Variants in TRIM43B observed in about 807,000 individuals in gnomAD.
The protein encoded by TRIM43B is tripartite motif-containing protein 43B.
In TRIM43B, 15 loss-of-function variants were observed where a neutral mutation model predicts 27.0. That is an observed-to-expected ratio of 0.55 (90% CI 0.37 to 0.85). The LOEUF (loss-of-function observed/expected upper bound fraction) is 0.85, where lower values mean the gene tolerates loss of function less well. Among genes scored for constraint, TRIM43B ranks in the 40% least tolerant of loss-of-function variants. The pLI is 0.00. For missense variants in TRIM43B, 172 were observed against 289.8 expected (o/e 0.59, Z 2.95); for synonymous variants, 69 against 97.8 (o/e 0.71, Z 1.74).
At chr2:95,480,349 C>G (rs1431474302) in exon 4 of TRIM43B, 1 of 1,609,936 alleles carries the variant, frequency 6.2e-7, no homozygotes, top group South Asian at 1.1e-5. Context: ...TCCATTAGTT[C>G]CTGATACATT....
At chr2:95,484,332 CG>C (rs1346052949) in intron 1 of TRIM43B, among the ~76,000 whole-genome samples, 1 of 151,804 alleles carries the variant, frequency 6.6e-6, no homozygotes, top group African/African-American at 2.4e-5. Context: ...AGAGCGCCGC[CG>C]CACTCCAGCC....
chr2:95,480,169 A>G, intron 4 of TRIM43B, 136 bp downstream of exon 4: 1 of 1,264,898 alleles, frequency 7.9e-7, no homozygotes, highest in Non-Finnish European at 1.1e-6. Context: ...GTTATAGTTT[A>G]TCTCTATAAC....
chr2:95,481,622 C>T, exon 3 of TRIM43B: 1 of 1,612,602 alleles, frequency 6.2e-7, no homozygotes, highest in African/African-American at 1.3e-5. Context: ...TTCTTCTCTC[C>T]TCATATAGAT....
intron 1 of TRIM43B, among the ~76,000 whole-genome samples, chr2:95,483,000 A>G (rs1683563257): frequency 6.6e-6 from 1 of 152,062 alleles, no homozygotes; most frequent in Non-Finnish European, 1.5e-5. Flanking sequence ...GTATCCACCA[A>G]ATTGCTTGGG....
chr2:95,480,268 A>G, intron 4 of TRIM43B, 37 bp downstream of exon 4: 1 of 1,550,012 alleles, frequency 6.5e-7, no homozygotes, highest in South Asian at 1.2e-5. Context: ...AAGGTCAGCT[A>G]ACACAAAGTG....
intron 2 of TRIM43B, among the ~76,000 whole-genome samples, chr2:95,481,950 T>A (rs1037090788): frequency 6.6e-6 from 1 of 151,862 alleles, no homozygotes; most frequent in African/African-American, 2.4e-5. Flanking sequence ...GAACCCACTA[T>A]GCTAGCCCCT....
At position 95,482,389 on chromosome 2, in the gene TRIM43B, CT is replaced by C. The variant is rs774600601; in HGVS notation, c.325del (p.Ser109ValfsTer33). 1.2e-6 allele frequency: 2 copies of C among 1,605,302 alleles called. No homozygotes were observed. The highest frequency in any genetic ancestry group is 1.7e-5 in the Admixed American group (1 of 58,958). On this transcript the variant is annotated frameshift_variant, in exon 2 of 7. Coordinates refer to ENST00000639673, the Ensembl canonical transcript of TRIM43B. LOFTEE classifies it high-confidence loss of function. ...GTTGGAGCACAGCAAGCAGAGGAGACTCTTGTCCATGTCACAGAACATCTTC... is the reference window on the plus strand; with the variant it reads ...GTTGGAGCACAGCAAGCAGAGGAGACCTTGTCCATGTCACAGAACATCTTC...
In TRIM43B at chr2:95,482,281, G is replaced by A. The variant is rs536218776; in HGVS notation, c.411+23C>T. The A allele has an allele frequency of 5.7e-5, 91 of 1,609,362 alleles. 2 individuals carry two copies. In the African/African-American group the frequency reaches 1.0e-3, roughly 18 times the overall value. On this transcript the variant is annotated intron_variant, in intron 2 of 6. Coordinates refer to ENST00000639673, the Ensembl canonical transcript of TRIM43B. The stretch of plus-strand genomic sequence containing the variant: ...AACTCTGCCACCCTCCAGCTTTCAG[G>A]TGATCACAGAGCTATCTCTTACCCG...
exon 2 of TRIM43B, chr2:95,482,437 C>T (rs1473989778): frequency 6.2e-7 from 1 of 1,604,500 alleles, no homozygotes; most frequent in African/African-American, 1.3e-5. Flanking sequence ...ATGGGTCCCA[C>T]ATATTTGTTT....
intron 1 of TRIM43B, among the ~76,000 whole-genome samples, chr2:95,484,055 A>G (rs1265801316): frequency 4.9e-5 from 7 of 144,266 alleles, no homozygotes; most frequent in Non-Finnish European, 9.1e-5. Context: ...CTCTAAAAAT[A>G]CTTATATAAA....
exon 3 of TRIM43B, chr2:95,481,683 A>T (rs1262313218): frequency 9.9e-6 from 16 of 1,611,498 alleles, no homozygotes; most frequent in Non-Finnish European, 1.4e-5. Context: ...TTGCTTTAAG[A>T]GTTTCTCCTG....
chr2:95,484,173 A>G (rs1161142814), intron 1 of TRIM43B, among the ~76,000 whole-genome samples: 1 of 151,876 alleles, frequency 6.6e-6, no homozygotes, highest in East Asian at 1.9e-4. Flanking sequence ...GATGGAGACC[A>G]TCCTGGCCAA....
intron 1 of TRIM43B, 74 bp downstream of exon 1, chr2:95,484,532 T>G (rs2104403758): frequency 6.6e-6 from 1 of 152,244 alleles, no homozygotes. Flanking sequence ...AGTTTGCAGA[T>G]AAATTAAAGT....
chr2:95,481,230 A>G (rs1683515818), intron 3 of TRIM43B, among the ~76,000 whole-genome samples: 1 of 152,084 alleles, frequency 6.6e-6, no homozygotes, highest in Admixed American at 6.6e-5. Context: ...TTCTTAAATT[A>G]CTGTTCCCAC....
intron 1 of TRIM43B, among the ~76,000 whole-genome samples, chr2:95,483,837 A>C (rs1284082210): frequency 1.3e-5 from 2 of 151,902 alleles, no homozygotes; most frequent in Non-Finnish European, 2.9e-5. Flanking sequence ...CCCCCCCAAA[A>C]CAAAAACAAA....
chr2:95,481,778 T>C (rs1303928529), intron 2 of TRIM43B, 88 bp from the exon 3 acceptor site: 1 of 1,390,668 alleles, frequency 7.2e-7, no homozygotes, highest in African/African-American at 1.5e-5. Flanking sequence ...ATCTAATATA[T>C]AAATACATTA....
intron 3 of TRIM43B, 30 bp from the exon 4 acceptor site, chr2:95,480,565 T>C (rs1683503930): frequency 1.2e-6 from 2 of 1,602,360 alleles, no homozygotes; most frequent in Non-Finnish European, 1.7e-6. Flanking sequence ...GTAGGTTATA[T>C]ACCCAGGCCT....
chr2:95,482,920 A>G (rs540928540), intron 1 of TRIM43B, among the ~76,000 whole-genome samples: 4 of 152,250 alleles, frequency 2.6e-5, no homozygotes, highest in Middle Eastern at 3.4e-3. Context: ...CTGTTCTCCA[A>G]TCAACACATG....
Position 95,482,274 on chromosome 2 carries a change from C to T in TRIM43B, c.411+30G>A, listed in dbSNP as rs567680241. ...TCTCTTTAACTCTGCCACCCTCCAG[C>T]TTTCAGGTGATCACAGAGCTATCTC... On this transcript the variant is annotated intron_variant, in intron 2 of 6. Transcript: ENST00000639673. 5.0e-6 allele frequency: 8 copies of T among 1,606,566 alleles called. No homozygotes were observed. In the South Asian group the frequency reaches 7.8e-5, roughly 16 times the overall value.
Sources: allele counts gnomAD v4.1 joint callset (sites outside exome capture counted in the v4.1 genomes callset), GRCh38; gene constraint gnomAD v4.1.1; transcripts MANE v1.5; gene names NCBI Gene and HGNC (gene_info 2026-07-23, HGNC 2026-07-21).